Variants in CSMD3 observed in about 807,000 individuals in gnomAD.
CSMD3 encodes the protein CUB and sushi domain-containing protein 3.
In CSMD3, 177 loss-of-function variants were observed where a neutral mutation model predicts 435.2. That is an observed-to-expected ratio of 0.41 (90% CI 0.36 to 0.46). The LOEUF (loss-of-function observed/expected upper bound fraction) is 0.46. Among genes scored for constraint, CSMD3 ranks in the 20% least tolerant of loss-of-function variants. The pLI is 0.34. For missense variants in CSMD3, 4,265 were observed against 4,504.6 expected (o/e 0.95, Z 1.52); for synonymous variants, 1,656 against 1,520.5 (o/e 1.09, Z -2.07).
intron 11 of CSMD3, 106 bp from the exon 12 acceptor site, chr8:112,829,895 ACAC>A (rs2079815229): frequency 1.3e-5 from 2 of 151,586 alleles, no homozygotes; most frequent in Admixed American, 1.4e-4. Context: ...GCACACACAC[ACAC>A]ACACACACAC....
chr8:112,904,413 T>TA (rs1564087203), intron 10 of CSMD3, among the ~76,000 whole-genome samples: 1 of 151,392 alleles, frequency 6.6e-6, no homozygotes, highest in Non-Finnish European at 1.5e-5. Context: ...TCTGTTGATT[T>TA]AAAACAAATA....
At chr8:112,229,485 G>C (rs1812887096) in intron 69 of CSMD3, among the ~76,000 whole-genome samples, 1 of 151,834 alleles carries the variant, frequency 6.6e-6, no homozygotes, top group Non-Finnish European at 1.5e-5. Context: ...CTGCAGTGCA[G>C]TGGAGTGGTC....
chr8:113,373,825 T>C (rs2094361664), intron 1 of CSMD3, among the ~76,000 whole-genome samples: 2 of 152,142 alleles, frequency 1.3e-5, no homozygotes, highest in African/African-American at 2.4e-5. Context: ...ATATGCACTA[T>C]GATATATTGT....
At chr8:112,424,080 C>T (rs1812802611) in intron 32 of CSMD3, among the ~76,000 whole-genome samples, 1 of 152,086 alleles carries the variant, frequency 6.6e-6, no homozygotes, top group Admixed American at 6.6e-5. Context: ...GTTTTGGATT[C>T]TATTCAAAGG....
intron 27 of CSMD3, among the ~76,000 whole-genome samples, chr8:112,543,427 T>C (rs1826863504): frequency 6.6e-6 from 1 of 152,110 alleles, no homozygotes; most frequent in Non-Finnish European, 1.5e-5. Flanking sequence ...GTCAAAGGTC[T>C]TGAATAGGCA....
chr8:112,296,255 T>C (rs1563752750), intron 53 of CSMD3, among the ~76,000 whole-genome samples: 1 of 152,046 alleles, frequency 6.6e-6, no homozygotes, highest in Non-Finnish European at 1.5e-5. Flanking sequence ...TCTCAATGTG[T>C]AAAAATGAAA....
intron 13 of CSMD3, among the ~76,000 whole-genome samples, chr8:112,774,850 T>C (rs1303825146): frequency 6.6e-6 from 1 of 152,052 alleles, no homozygotes; most frequent in Non-Finnish European, 1.5e-5. Flanking sequence ...AATAATCATA[T>C]CCAAATATAA....
chr8:113,362,938 A>G (rs529805424), intron 1 of CSMD3, among the ~76,000 whole-genome samples: 4 of 152,194 alleles, frequency 2.6e-5, no homozygotes, highest in African/African-American at 7.2e-5. Context: ...TTGAACACCA[A>G]TGCTGAGGAG....
chr8:113,183,029 A>G (rs1356786987), intron 3 of CSMD3, among the ~76,000 whole-genome samples: 1 of 152,040 alleles, frequency 6.6e-6, no homozygotes, highest in African/African-American at 2.4e-5. Flanking sequence ...GTTAAAGAGC[A>G]TGGCCATGCA....
In CSMD3 at chr8:112,377,138, C is replaced by T. The variant is rs141845286; in HGVS notation, c.6136+3214G>A. On this transcript the variant is annotated intron_variant, in intron 38 of 70. Coordinates refer to ENST00000297405, the MANE Select transcript of CSMD3 (RefSeq NM_198123.2). ...TTTCTACAGCATCTAGTTGCTTTTT[C>T]GCAATTTAAAAACACTTATAATAAA... Among the ~76,000 whole-genome samples the T allele has an allele frequency of 2.3e-3, 346 of 151,344 alleles. 1 individual carries two copies. The highest frequency in any genetic ancestry group is 6.8e-3 in the African/African-American group (281 of 41,152).
chr8:113,117,199 A>G (rs550596092), intron 4 of CSMD3, among the ~76,000 whole-genome samples: 23 of 152,290 alleles, frequency 1.5e-4, no homozygotes, highest in Admixed American at 7.2e-4. Flanking sequence ...TAGGAAAAAA[A>G]TGGTTTTGTG....
chr8:113,013,498 C>T (rs899769780), intron 6 of CSMD3, among the ~76,000 whole-genome samples: 1 of 151,970 alleles, frequency 6.6e-6, no homozygotes, highest in African/African-American at 2.4e-5. Context: ...GGTGGTATGG[C>T]TATCCATTGA....
chr8:112,779,915 T>C (rs190667416), intron 13 of CSMD3, among the ~76,000 whole-genome samples: 1 of 152,204 alleles, frequency 6.6e-6, no homozygotes, highest in East Asian at 1.9e-4. Flanking sequence ...TATTTTATCT[T>C]CTACTTACAG....
intron 4 of CSMD3, among the ~76,000 whole-genome samples, chr8:113,120,180 CTTTT>C (rs757173867): frequency 1.3e-5 from 2 of 151,920 alleles, no homozygotes; most frequent in Non-Finnish European, 2.9e-5. Context: ...AGTATCAGGA[CTTTT>C]TAAATGTTTT....
chr8:113,399,971 T>C (rs553920837), intron 1 of CSMD3, among the ~76,000 whole-genome samples: 1 of 151,734 alleles, frequency 6.6e-6, no homozygotes, highest in East Asian at 1.9e-4. Flanking sequence ...TATGTATACA[T>C]ATATATCACT....
intron 1 of CSMD3, among the ~76,000 whole-genome samples, chr8:113,419,125 GTT>G (rs59486645): frequency 2.0e-4 from 27 of 133,392 alleles, no homozygotes; most frequent in East Asian, 1.3e-3. Flanking sequence ...TTTTTGGTTT[GTT>G]TTTTTTTTTT....
chr8:112,841,967 T>C (rs1227494758), intron 11 of CSMD3, among the ~76,000 whole-genome samples: 1 of 151,808 alleles, frequency 6.6e-6, no homozygotes, highest in Non-Finnish European at 1.5e-5. Flanking sequence ...ATGTGATTCT[T>C]GCTGTGTGAG....
At chr8:112,403,646 C>T (rs1831519653) in intron 35 of CSMD3, among the ~76,000 whole-genome samples, 1 of 151,964 alleles carries the variant, frequency 6.6e-6, no homozygotes, top group African/African-American at 2.4e-5. Context: ...TTTATAAAGG[C>T]ACAAATCTCA....
intron 5 of CSMD3, among the ~76,000 whole-genome samples, chr8:113,058,160 C>T (rs1031573347): frequency 1.4e-4 from 22 of 151,776 alleles, no homozygotes; most frequent in Non-Finnish European, 2.4e-4. Context: ...TGGTACACAG[C>T]TTCTTTCAAA....
Sources: allele counts gnomAD v4.1 joint callset (sites outside exome capture counted in the v4.1 genomes callset), GRCh38; gene constraint gnomAD v4.1.1; transcripts MANE v1.5; gene names NCBI Gene and HGNC (gene_info 2026-07-23, HGNC 2026-07-21).